The following ANKRD53 variants were observed in gnomAD, a reference collection of about 807,000 sequenced individuals.
ANKRD53 encodes ankyrin repeat domain 53, also known as ankyrin repeat domain-containing protein 53.
A neutral mutation model predicts 30.1 loss-of-function variants in ANKRD53; 27 were observed. That is an observed-to-expected ratio of 0.90 (90% confidence interval 0.66 to 1.24). The LOEUF is 1.24. Among genes scored for constraint, ANKRD53 ranks in the 50% most tolerant of loss-of-function variants. ANKRD53 has a pLI of 0.00. For synonymous variants in ANKRD53, 286 were observed against 295.4 expected (o/e 0.97, Z 0.33); for missense variants, 682 against 721.0 (o/e 0.95, Z 0.62).
chr2:70,982,139 T>G lies in ANKRD53; in HGVS notation c.782+39T>G. 2.7e-6 allele frequency: 4 copies of G among 1,509,306 alleles called. No homozygotes were observed. The highest frequency in any genetic ancestry group is 3.6e-6 in the Non-Finnish European group (4 of 1,117,872). The allele number at this position is 1,509,306 out of a possible 1,614,324, so 93.5% of individuals were successfully genotyped here. ...AACCACCTGGAGCCTGCCCACCCCC[T>G]TCCCCTCCCCCAGCCTTTTCCCTAG... On this transcript the variant is annotated intron_variant, in intron 4 of 5. Transcript: ENST00000360589. The surrounding 1 kb of genome is among the most constrained non-coding windows in gnomAD (Gnocchi z 4.2).
In ANKRD53 at chr2:70,985,293, A is replaced by G. The variant is rs1670155256; in HGVS notation, c.1586A>G (p.Asn529Ser). The change falls in exon 6 of 6, where the codon AAC (asparagine) becomes AGC (serine). Residue 529 changes from asparagine to serine, a missense_variant. Coordinates refer to ENST00000360589, the MANE Select transcript of ANKRD53 (RefSeq NM_001115116.2). Reference protein sequence around the residue: ...GLPTLPSPQTNP With the variant: ...GLPTLPSPQTSP ...CCCACCCTGCCCTCCCCACAAACCA[A>G]CCCATAAAGTTATTATGGCTACCTC... 3 of 1,547,302 alleles carry G rather than the reference A, an allele frequency of 1.9e-6. No homozygotes were observed. The highest frequency in any genetic ancestry group is 2.4e-5 in the East Asian group (1 of 40,822).
At chr2:70,979,489 C>A (rs549901781) in intron 2 of ANKRD53, 146 bp downstream of exon 2, 3 of 1,466,622 alleles carry the variant, frequency 2.0e-6, no homozygotes, top group Non-Finnish European at 2.7e-6. Context: ...ATTTTGGGGG[C>A]AGGGAGGTTG....
chr2:70,984,426 C>T lies in ANKRD53; in HGVS notation c.904-185C>T, dbSNP rs182796535. 3.5e-5 allele frequency: 34 copies of T among 985,334 alleles called. No homozygotes were observed. The African/African-American group carries it at 4.7e-4, about 14-fold the overall frequency. The allele number at this position is 985,334 out of a possible 1,614,324, so 61.0% of individuals were successfully genotyped here. A position where few individuals can be genotyped will look rare whatever the true frequency, so the allele number is the denominator to read the frequency against. ...TTATGGAAAAAGTTGTCTCCCCCAT[C>T]GGAACACCGGCTCCCATAAGGCAGG... is the stretch of plus-strand genomic sequence containing the variant. On this transcript the variant is annotated intron_variant, in intron 5 of 5. Transcript: ENST00000360589.
Position 70,985,361 on chromosome 2 carries a change from A to G in ANKRD53, c.*61A>G. The G allele has an allele frequency of 6.9e-7, 1 of 1,455,670 alleles. No homozygotes were observed. The highest frequency in any genetic ancestry group is 9.3e-7 in the Non-Finnish European group (1 of 1,077,554). 90.2% of individuals were successfully genotyped at this position (1,455,670 alleles called of 1,614,324 possible). ...AGTGAAGGCTGAAGTGTGGCAATTC[A>G]CGTTGTGGGTGGCGAGGAAAGGGGG... On this transcript the variant is annotated 3_prime_UTR_variant, in exon 6 of 6. Coordinates refer to ENST00000360589, the MANE Select transcript of ANKRD53 (RefSeq NM_001115116.2).
chr2:70,979,470 G>A, intron 2 of ANKRD53, 127 bp downstream of exon 2: 2 of 1,498,906 alleles, frequency 1.3e-6, no homozygotes, highest in Non-Finnish European at 1.8e-6. Context: ...TTCTGGCTGT[G>A]GAAGGACCAT....
At position 70,984,753 on chromosome 2, in the gene ANKRD53, G is replaced by A. The variant is rs11688921; in HGVS notation, c.1046G>A (p.Arg349His). 1,826 of 1,587,268 alleles carry A rather than the reference G, an allele frequency of 1.2e-3. 27 individuals are homozygous for A. The highest frequency in any genetic ancestry group is 4.2e-4 in the East Asian group (18 of 43,368). ...ACCCCAGAGCAACGGGAATCGCAGC[G>A]TTCCAGGAGCTTCCACCCCTCTGTG... Reference protein sequence around the residue: ...SKTPEQRESQRSRSFHPSVDA... With the variant: ...SKTPEQRESQHSRSFHPSVDA... Residue 349 changes from arginine (R) to histidine (H), a missense_variant, in exon 6 of 6, where the codon CGT becomes CAT. Arg to His is a conservative substitution (Grantham distance 29, BLOSUM62 0). Transcript: ENST00000360589.
Position 70,984,786 on chromosome 2 carries a change from G to C in ANKRD53, c.1079G>C (p.Arg360Pro), listed in dbSNP as rs782103926. ...SRSFHPSVDA[R>P]LQCIPQPTEM... ...AGCTTCCACCCCTCTGTGGATGCACGCCTGCAATGCATTCCACAGCCCACG... is the reference window on the plus strand; with the variant it reads ...AGCTTCCACCCCTCTGTGGATGCACCCCTGCAATGCATTCCACAGCCCACG... The change falls in exon 6 of 6, where the codon CGC becomes CCC. Residue 360 changes from arginine to proline, a missense_variant. Coordinates refer to ENST00000360589, the MANE Select transcript of ANKRD53 (RefSeq NM_001115116.2). The C allele has an allele frequency of 6.4e-7, 1 of 1,559,806 alleles. No individual in the cohort carries two copies. The highest frequency in any genetic ancestry group is 1.9e-5 in the Admixed American group (1 of 51,380).
At chr2:70,984,295 T>C (rs1400414142) in intron 5 of ANKRD53, 1 of 1,613,738 alleles carries the variant, frequency 6.2e-7, no homozygotes, top group Non-Finnish European at 8.5e-7. Context: ...GTCTCCCATG[T>C]CAAGTTGGAG....
Position 70,981,917 on chromosome 2 carries a change from C to T in ANKRD53, c.618-19C>T. The T allele has an allele frequency of 6.5e-7, 1 of 1,546,226 alleles. No individual in the cohort carries two copies. Among genetic ancestry groups the T allele is most frequent in the South Asian group, 1.2e-5 (1 of 81,814 alleles). On this transcript the variant is annotated intron_variant, in intron 3 of 5. Coordinates refer to ENST00000360589, the MANE Select transcript of ANKRD53 (RefSeq NM_001115116.2). The stretch of plus-strand genomic sequence containing the variant: ...TCTTTCCTTTCTGCCCTTATCCCCA[C>T]TGGTGGGGCCTTCCACAGTCAGACA...
At chr2:70,984,114 T>C (rs1670096659) in intron 5 of ANKRD53, 5 of 1,611,058 alleles carry the variant, frequency 3.1e-6, no homozygotes, top group Non-Finnish European at 4.2e-6. Context: ...TTCTGCTTTC[T>C]CTTTCCAGGG....
At chr2:70,978,570 G>A (rs954130814), upstream of ANKRD53, 4 of 1,405,412 alleles carry the variant, frequency 2.8e-6, no homozygotes, top group South Asian at 6.4e-5. The surrounding 1 kb of genome is among the most constrained non-coding windows in gnomAD (Gnocchi z 4.3). Context: ...AGCTGGCAAG[G>A]AGTGGCCCCC....
At position 70,979,244 on chromosome 2, in the gene ANKRD53, CG is replaced by C. The variant is rs1669925848; in HGVS notation, c.321del (p.Ser108AlafsTer20). 6.2e-7 allele frequency: 1 copy of C among 1,613,566 alleles called. No homozygotes were observed. Among genetic ancestry groups the C allele is most frequent in the Non-Finnish European group, 8.5e-7 (1 of 1,180,016 alleles). ...AGACGGCAATCGACCAGACGGCGAT[CG>C]GGAGCTACTACCAGCTGTTCGCAGC... Reference protein sequence around the residue: ...DQTAIDQTAIGSYYQLFAAAV... With the variant: ...DQTAIDQTAIXSYYQLFAAAV... On this transcript the variant is annotated frameshift_variant, in exon 2 of 6. Coordinates refer to ENST00000360589, the MANE Select transcript of ANKRD53 (RefSeq NM_001115116.2). LOFTEE classifies it high-confidence loss of function.
chr2:70,978,888 C>G lies in ANKRD53; in HGVS notation c.170+73C>G. ...CCCAGCGCCTCCCTGGTGGGCAGGGCCTGGAGCGGGCGGGGGCGGAGGCTG... is the reference window on the plus strand; with the variant it reads ...CCCAGCGCCTCCCTGGTGGGCAGGGGCTGGAGCGGGCGGGGGCGGAGGCTG... On this transcript the variant is annotated intron_variant, in intron 1 of 5. Coordinates refer to ENST00000360589, the MANE Select transcript of ANKRD53 (RefSeq NM_001115116.2). This position sits in a 1 kb window ranked among gnomAD's most constrained non-coding sequence, Gnocchi z 4.3. The G allele has an allele frequency of 1.3e-6, 2 of 1,493,360 alleles. No individual in the cohort carries two copies. Among genetic ancestry groups the G allele is most frequent in the Non-Finnish European group, 1.8e-6 (2 of 1,119,614 alleles). The allele number at this position is 1,493,360 out of a possible 1,614,324, so 92.5% of individuals were successfully genotyped here. A position where few individuals can be genotyped will look rare whatever the true frequency, so the allele number is the denominator to read the frequency against.
chr2:70,978,723 TC>T lies in ANKRD53; in HGVS notation c.79del (p.Arg27GlyfsTer18), dbSNP rs1553422827. ...HSERGEGRGARPQPTPSGSMQ... is the reference protein window; with the variant it reads ...HSERGEGRGAXPQPTPSGSMQ... ...CAGAAAGGGGAGAAGGGAGAGGTGC[TC>T]GGCCGCAGCCAACTCCAAGTGGCTC... On this transcript the variant is annotated frameshift_variant, in exon 1 of 6. Transcript: ENST00000360589. LOFTEE classifies it high-confidence loss of function. This position sits in a 1 kb window ranked among gnomAD's most constrained non-coding sequence, Gnocchi z 4.3. The T allele has an allele frequency of 6.4e-7, 1 of 1,552,322 alleles. No homozygotes were observed.
At chr2:70,981,907 C>A in intron 3 of ANKRD53, 29 bp from the exon 4 acceptor site, 2 of 1,525,386 alleles carry the variant, frequency 1.3e-6, no homozygotes, top group Non-Finnish European at 1.8e-6. Flanking sequence ...CCTTTCTGCC[C>A]TTATCCCCAC....
upstream of ANKRD53, chr2:70,978,531 G>A (rs1479331439): frequency 5.6e-6 from 7 of 1,260,170 alleles, no homozygotes; most frequent in Non-Finnish European, 7.2e-6. This position sits in a 1 kb window ranked among gnomAD's most constrained non-coding sequence, Gnocchi z 4.3. Context: ...GAACCCTAGC[G>A]GCCTGGAAGG....
intron 3 of ANKRD53, among the ~76,000 whole-genome samples, chr2:70,981,394 G>A (rs1670006335): frequency 6.6e-6 from 1 of 152,092 alleles, no homozygotes; most frequent in Non-Finnish European, 1.5e-5. Context: ...GTAGGGGGAG[G>A]ATCTATTTTG....
chr2:70,978,951 G>A lies in ANKRD53; in HGVS notation c.170+136G>A. The stretch of plus-strand genomic sequence containing the variant: ...CCAGCAGAGACAGGCTGGGGCCAGG[G>A]ATCGCCTCCCGAGAGGTGCCTAGGC... On this transcript the variant is annotated intron_variant, in intron 1 of 5. Transcript: ENST00000360589. This position sits in a 1 kb window ranked among gnomAD's most constrained non-coding sequence, Gnocchi z 4.3. The A allele has an allele frequency of 1.4e-6, 2 of 1,438,706 alleles. No individual in the cohort carries two copies. The highest frequency in any genetic ancestry group is 1.8e-6 in the Non-Finnish European group (2 of 1,092,972). The allele number at this position is 1,438,706 out of a possible 1,614,324, so 89.1% of individuals were successfully genotyped here.
In ANKRD53 at chr2:70,985,114, G is replaced by A. The variant is rs1670145730; in HGVS notation, c.1407G>A (p.Lys469=). ...CACGTGTATGGCCATACAGAATGAA[G>A]GTGCCCCAGGGCTTTTACCCCATCA... is the stretch of plus-strand genomic sequence containing the variant. ...LYPRVWPYRM[K]VPQGFYPISM... Residue 469 remains lysine (K), a synonymous_variant, in exon 6 of 6, where the codon AAG becomes AAA. Transcript: ENST00000360589. 4 of 1,551,132 alleles carry A rather than the reference G, an allele frequency of 2.6e-6. No individual in the cohort carries two copies. In the African/African-American group the frequency reaches 4.1e-5, roughly 16 times the overall value.
Sources: allele counts gnomAD v4.1 joint callset (sites outside exome capture counted in the v4.1 genomes callset), GRCh38; gene constraint gnomAD v4.1.1; non-coding constraint Gnocchi (gnomAD v3.1); transcripts MANE v1.5; gene names NCBI Gene and HGNC (gene_info 2026-07-23, HGNC 2026-07-21).